The following DLC1 variants were observed in gnomAD, a reference collection of about 807,000 sequenced individuals.
The protein encoded by DLC1 is DLC1 Rho GTPase activating protein.
In DLC1, 54 loss-of-function variants were observed where a neutral mutation model predicts 140.3. The observed-to-expected ratio is 0.38, with a 90% CI of 0.31 to 0.48. DLC1 has a LOEUF of 0.48. Ranked by LOEUF, DLC1 falls within the 20% of genes least tolerant of loss-of-function variation. DLC1 has a pLI of 0.96. For missense variants in DLC1, 2,536 were observed against 1,907.0 expected (o/e 1.33, Z -6.14); for synonymous variants, 986 against 728.1 (o/e 1.35, Z -5.70).
intron 5 of DLC1, among the ~76,000 whole-genome samples, chr8:13,221,110 T>C (rs977961760): frequency 6.6e-6 from 1 of 152,212 alleles, no homozygotes; most frequent in Non-Finnish European, 1.5e-5. Context: ...TTTCAACTCA[T>C]TGGGTTTTCT....
intron 5 of DLC1, among the ~76,000 whole-genome samples, chr8:13,205,281 T>C (rs758342143): frequency 6.6e-6 from 1 of 152,184 alleles, no homozygotes; most frequent in Non-Finnish European, 1.5e-5. Context: ...AGATGATCCA[T>C]TGGAGAAAAT....
intron 2 of DLC1, among the ~76,000 whole-genome samples, chr8:13,425,413 A>T (rs924187640): frequency 2.6e-5 from 4 of 152,172 alleles, no homozygotes; most frequent in African/African-American, 9.7e-5. Flanking sequence ...ATGAAAAGGA[A>T]AACTTGGAAA....
intron 4 of DLC1, among the ~76,000 whole-genome samples, chr8:13,357,348 C>G (rs1299035113): frequency 6.6e-6 from 1 of 152,194 alleles, no homozygotes; most frequent in Non-Finnish European, 1.5e-5. Context: ...TTCAGATGCA[C>G]CATGTCAGAG....
At chr8:13,344,273 C>T (rs1331503274) in intron 4 of DLC1, among the ~76,000 whole-genome samples, 1 of 152,088 alleles carries the variant, frequency 6.6e-6, no homozygotes, top group Non-Finnish European at 1.5e-5. Context: ...GCAGAGGGAT[C>T]ACCTAAGATC....
At chr8:13,506,119 A>G (rs971487863) in intron 1 of DLC1, among the ~76,000 whole-genome samples, 1 of 152,178 alleles carries the variant, frequency 6.6e-6, no homozygotes, top group African/African-American at 2.4e-5. Flanking sequence ...GTGTGTATAC[A>G]TAAAGCAGTC....
intron 5 of DLC1, chr8:13,116,003 A>C: frequency 2.6e-6 from 1 of 377,374 alleles, no homozygotes; most frequent in Non-Finnish European, 3.8e-6. Context: ...AACTCATTTG[A>C]AGCCTGGCCG....
intron 2 of DLC1, among the ~76,000 whole-genome samples, chr8:13,437,677 A>G (rs551453704): frequency 6.6e-6 from 1 of 152,328 alleles, no homozygotes; most frequent in African/African-American, 2.4e-5. Context: ...ACAACTGTGT[A>G]GGCAGAGCTG....
At chr8:13,206,876 T>C (rs1298489220) in intron 5 of DLC1, among the ~76,000 whole-genome samples, 1 of 152,072 alleles carries the variant, frequency 6.6e-6, no homozygotes, top group East Asian at 1.9e-4. Context: ...TTTACAAAAA[T>C]CAAATAACTC....
In DLC1 at chr8:13,366,660, GGCCA is replaced by G. The variant is rs897415610; in HGVS notation, c.1314+26889_1314+26892del. On this transcript the variant is annotated intron_variant, in intron 4 of 17. Transcript: ENST00000276297. ...TTGGTTAGAGCAGATATAAATTTTGGGCCAGAAACTTCCCCTGACTAGGTCTTCT... is the reference window on the plus strand; with the variant it reads ...TTGGTTAGAGCAGATATAAATTTTGGGAAACTTCCCCTGACTAGGTCTTCT... Among the ~76,000 whole-genome samples the G allele has an allele frequency of 3.6e-4, 55 of 152,038 alleles. 1 individual carries two copies. The highest frequency in any genetic ancestry group is 1.3e-3 in the African/African-American group (52 of 41,394).
Position 13,382,529 on chromosome 8 carries a change from A to AAAAAAAAAAGAAAG in DLC1, c.1314+11023_1314+11024insCTTTCTTTTTTTTT, listed in dbSNP as rs557423876. On this transcript the variant is annotated intron_variant, in intron 4 of 17. Transcript: ENST00000276297. ...TCAAAAAAAAAAAAAAAAAAAAAAA[A>AAAAAAAAAAGAAAG]AAAGAAAGAGGAGACAGATAAGCTA... 6.5e-4 allele frequency among the ~76,000 whole-genome samples: 71 copies of AAAAAAAAAAGAAAG among 109,444 alleles called. 4 individuals carry two copies. Among genetic ancestry groups the AAAAAAAAAAGAAAG allele is most frequent in the Non-Finnish European group, 8.0e-4 (44 of 55,000 alleles). The allele number at this position is 109,444 out of a possible 152,430, so 71.8% of individuals were successfully genotyped here. A position where few individuals can be genotyped will look rare whatever the true frequency, so the allele number is the denominator to read the frequency against.
chr8:13,447,967 C>G (rs1798859989), intron 2 of DLC1, among the ~76,000 whole-genome samples: 1 of 152,132 alleles, frequency 6.6e-6, no homozygotes, highest in East Asian at 1.9e-4. Context: ...GTGTGAAAAT[C>G]CTCCTGAAAT....
At chr8:13,116,034 C>T in intron 5 of DLC1, 6 of 676,828 alleles carry the variant, frequency 8.9e-6, no homozygotes, top group Non-Finnish European at 1.1e-5. Context: ...CTACTTTTCA[C>T]TTCAACAAAA....
intron 4 of DLC1, among the ~76,000 whole-genome samples, chr8:13,372,170 G>A (rs35853272): frequency 9.5e-4 from 145 of 152,044 alleles, no homozygotes; most frequent in Non-Finnish European, 1.6e-3. Context: ...GTGTGGCTTT[G>A]ATAGTGGGAA....
intron 5 of DLC1, among the ~76,000 whole-genome samples, chr8:13,176,396 G>T (rs141712454): frequency 6.6e-6 from 1 of 152,252 alleles, no homozygotes; most frequent in African/African-American, 2.4e-5. Flanking sequence ...GGCTAACACC[G>T]TGAAACCCCG....
intron 1 of DLC1, among the ~76,000 whole-genome samples, chr8:13,534,074 C>A (rs1433250224): frequency 1.3e-5 from 2 of 152,126 alleles, no homozygotes; most frequent in East Asian, 1.9e-4. Flanking sequence ...CTAAGTCCCC[C>A]TTTCTTTATG....
At chr8:13,575,620 A>G (rs1384368008) in intron 1 of DLC1, among the ~76,000 whole-genome samples, 1 of 152,192 alleles carries the variant, frequency 6.6e-6, no homozygotes, top group Non-Finnish European at 1.5e-5. Context: ...AATTTTTATT[A>G]CAATTTATCC....
intron 4 of DLC1, among the ~76,000 whole-genome samples, chr8:13,376,924 T>C (rs913366783): frequency 3.3e-5 from 5 of 152,140 alleles, no homozygotes; most frequent in African/African-American, 1.2e-4. Flanking sequence ...GTATAGATTA[T>C]ATGTGTCAGC....
chr8:13,552,728 AT>A (rs1199914449), intron 1 of DLC1, among the ~76,000 whole-genome samples: 2 of 151,786 alleles, frequency 1.3e-5, no homozygotes, highest in Admixed American at 1.3e-4. Context: ...GTTTTGTCAT[AT>A]TTTTTAAATG....
chr8:13,519,749 T>C (rs547005285), upstream of DLC1, among the ~76,000 whole-genome samples: 22 of 152,194 alleles, frequency 1.4e-4, no homozygotes, highest in Admixed American at 3.3e-4. Context: ...AGAATAGATA[T>C]GAAAACAAAG....
Sources: allele counts gnomAD v4.1 joint callset (sites outside exome capture counted in the v4.1 genomes callset), GRCh38; gene constraint gnomAD v4.1.1; transcripts MANE v1.5; gene names NCBI Gene and HGNC (gene_info 2026-07-23, HGNC 2026-07-21).